Variants in PTPN18 observed in about 807,000 individuals in gnomAD.
PTPN18 encodes protein tyrosine phosphatase non-receptor type 18.
In PTPN18, 65 loss-of-function variants were observed where a neutral mutation model predicts 65.4. The observed-to-expected ratio is 0.99, with a 90% CI of 0.81 to 1.22. The LOEUF (loss-of-function observed/expected upper bound fraction) is 1.22, where lower values mean the gene tolerates loss of function less well. PTPN18 is among the 50% of genes most tolerant of loss of function. The probability of loss-of-function intolerance (pLI) is 0.00; values close to 1 mark genes in which losing one functional copy is unlikely to be tolerated. For synonymous variants in PTPN18, 255 were observed against 267.8 expected, an observed-to-expected ratio of 0.95 and a Z score of 0.47; for missense variants, 616 against 646.5, an observed-to-expected ratio of 0.95 and a Z score of 0.51.
rs531034019 is a variant in PTPN18 at position 130,362,256 on chromosome 2, C to A, written c.414+2610C>A. The A allele has an allele frequency of 9.2e-5, 41 of 445,920 alleles. No homozygotes were observed. The East Asian group carries it at 2.9e-3, about 31-fold the overall frequency. 27.6% of individuals were successfully genotyped at this position (445,920 alleles called of 1,614,324 possible). ...AAGTGCTAAGATTACAGGCATGAGC[C>A]ACTGCATCTAGCCAGGACTTACTTT... On this transcript the variant is annotated intron_variant, in intron 5 of 14. Coordinates refer to ENST00000175756, the MANE Select transcript of PTPN18 (RefSeq NM_014369.4).
chr2:130,360,076 G>C (rs914782364), intron 5 of PTPN18, among the ~76,000 whole-genome samples: 17 of 152,068 alleles, frequency 1.1e-4, no homozygotes, highest in African/African-American at 4.1e-4. Context: ...CCTCCTTCAG[G>C]TCTTTGCTCA....
chr2:130,367,714 T>G (rs1182645520), intron 5 of PTPN18, among the ~76,000 whole-genome samples: 1 of 152,166 alleles, frequency 6.6e-6, no homozygotes, highest in Non-Finnish European at 1.5e-5. Flanking sequence ...TTTCAGTAAT[T>G]TGATCATGAT....
chr2:130,370,117 C>A lies in PTPN18; in HGVS notation c.616C>A (p.His206Asn). 1.2e-6 allele frequency: 2 copies of A among 1,614,158 alleles called. No homozygotes were observed. The highest frequency in any genetic ancestry group is 1.7e-6 in the Non-Finnish European group (2 of 1,180,040). Residue 206 changes from histidine to asparagine, a missense_variant, in exon 8 of 15, where the codon CAC (histidine) becomes AAC (asparagine). This residue lies in a region of PTPN18 where 368 missense variants were observed against 386.7 expected (regional missense o/e 0.95). Coordinates refer to ENST00000175756, the MANE Select transcript of PTPN18 (RefSeq NM_014369.4). ...CCGTGGGGTCCCCAGCAGTCCTGAC[C>A]ACATGCTCGCCATGGTGGAGGAAGC... ...PDRGVPSSPD[H>N]MLAMVEEARR...
Position 130,370,582 on chromosome 2 carries a change from C to G in PTPN18, c.715C>G (p.Leu239Val). The G allele has an allele frequency of 6.2e-7, 1 of 1,614,134 alleles. No homozygotes were observed. The highest frequency in any genetic ancestry group is 8.5e-7 in the Non-Finnish European group (1 of 1,180,022). Reference protein sequence around the residue: ...CSAGCGRTGVLCTVDYVRQLL... With the variant: ...CSAGCGRTGVVCTVDYVRQLL... Reference sequence around the variant, plus strand: ...TGCGGGTTGTGGGCGAACAGGCGTCCTGTGCACCGTGGATTATGTGAGGCA... The same window carrying G: ...TGCGGGTTGTGGGCGAACAGGCGTCGTGTGCACCGTGGATTATGTGAGGCA... Residue 239 changes from leucine (L) to valine (V), a missense_variant, in exon 9 of 15, where the codon CTG (leucine) becomes GTG (valine). By Grantham distance (32) the Leu-to-Val change is conservative (BLOSUM62 1). Coordinates refer to ENST00000175756, the MANE Select transcript of PTPN18 (RefSeq NM_014369.4).
intron 11 of PTPN18, 113 bp downstream of exon 11, chr2:130,371,077 C>A: frequency 7.4e-7 from 1 of 1,357,836 alleles, no homozygotes; most frequent in South Asian, 1.3e-5. Flanking sequence ...ACTATGACAT[C>A]CACCTGTGCC....
chr2:130,369,084 G>A (rs1396519570), intron 5 of PTPN18, 49 bp from the exon 6 acceptor site: 1 of 1,518,364 alleles, frequency 6.6e-7, no homozygotes, highest in East Asian at 2.3e-5. Context: ...TAGCTCTGAA[G>A]CTGACTCCCT....
At chr2:130,365,646 C>G (rs760347976) in intron 5 of PTPN18, among the ~76,000 whole-genome samples, 5 of 152,166 alleles carry the variant, frequency 3.3e-5, no homozygotes, top group Admixed American at 6.6e-5. Flanking sequence ...ATTGTCTAAT[C>G]AGAGGTCATA....
At position 130,375,367 on chromosome 2, in the gene PTPN18, CTG is replaced by C. The variant is rs1680714922; in HGVS notation, c.*2147_*2148del. 1 of 152,390 alleles carries C rather than the reference CTG, an allele frequency of 6.6e-6. No homozygotes were observed. The highest frequency in any genetic ancestry group is 2.1e-4 in the South Asian group (1 of 4,830). 9.4% of individuals were successfully genotyped at this position (152,390 alleles called of 1,614,324 possible). ...GTGACTAAAGATACTGTTCTGGCTG[CTG>C]TGTTCACTGTGAGTAATAAACTGTC... On this transcript the variant is annotated 3_prime_UTR_variant, in exon 15 of 15. Coordinates refer to ENST00000175756, the MANE Select transcript of PTPN18 (RefSeq NM_014369.4).
intron 5 of PTPN18, among the ~76,000 whole-genome samples, chr2:130,367,950 TC>T (rs1338597208): frequency 6.6e-6 from 1 of 152,208 alleles, no homozygotes; most frequent in Non-Finnish European, 1.5e-5. Flanking sequence ...TTCATTTTTT[TC>T]ATTTCATTTT....
rs199922290 is a variant in PTPN18 at position 130,373,142 on chromosome 2, C to G, written c.1316-15C>G. The G allele has an allele frequency of 6.4e-7, 1 of 1,565,142 alleles. No homozygotes were observed. The highest frequency in any genetic ancestry group is 1.4e-5 in the African/African-American group (1 of 73,338). Reference sequence around the variant, plus strand: ...CAGCTTCTCCATGAGACCCACGGCACCCTTCTTCTCCCAGGTTTCAACCTG... The same window carrying G: ...CAGCTTCTCCATGAGACCCACGGCAGCCTTCTTCTCCCAGGTTTCAACCTG... On this transcript the variant is annotated splice_polypyrimidine_tract_variant and intron_variant, in intron 14 of 14. Coordinates refer to ENST00000175756, the MANE Select transcript of PTPN18 (RefSeq NM_014369.4). This position sits in a 1 kb window ranked among gnomAD's most constrained non-coding sequence, Gnocchi z 4.1.
chr2:130,367,492 G>C (rs1437305242), intron 5 of PTPN18, among the ~76,000 whole-genome samples: 1 of 151,968 alleles, frequency 6.6e-6, no homozygotes. Flanking sequence ...CGGCCAACCT[G>C]GTGAAACCCT....
rs1054999534 is a variant in PTPN18 at position 130,356,149 on chromosome 2, G to A, written c.42G>A (p.Arg14=). 2.3e-6 allele frequency: 3 copies of A among 1,313,750 alleles called. No homozygotes were observed. The highest frequency in any genetic ancestry group is 3.1e-5 in the East Asian group (1 of 32,012). 81.4% of individuals were successfully genotyped at this position (1,313,750 alleles called of 1,614,324 possible). ...SLDSARSFLE[R]LEARGGREGA... ...ACTCGGCGCGGAGCTTCCTGGAGCG[G>A]CTGGAAGCGCGGGGCGGCCGGGAGG... is the stretch of plus-strand genomic sequence containing the variant. Residue 14 remains arginine (R), a synonymous_variant, in exon 1 of 15, where the codon CGG becomes CGA. Coordinates refer to ENST00000175756, the MANE Select transcript of PTPN18 (RefSeq NM_014369.4).
chr2:130,358,761 G>T (rs909096860), intron 1 of PTPN18, 106 bp from the exon 2 acceptor site: 2 of 854,490 alleles, frequency 2.3e-6, no homozygotes, highest in Admixed American at 2.1e-5. Flanking sequence ...CACCTCCCCA[G>T]GCCACTGGCT....
At chr2:130,360,586 A>G (rs956488842) in intron 5 of PTPN18, among the ~76,000 whole-genome samples, 2 of 152,054 alleles carry the variant, frequency 1.3e-5, no homozygotes, top group Non-Finnish European at 2.9e-5. Context: ...TAAACAGTGT[A>G]TTAGAACACA....
chr2:130,363,826 ACT>A (rs1331692459), intron 5 of PTPN18, among the ~76,000 whole-genome samples: 1 of 151,816 alleles, frequency 6.6e-6, no homozygotes, highest in Non-Finnish European at 1.5e-5. Context: ...CTATATGGAA[ACT>A]CTATTTTTAA....
intron 6 of PTPN18, among the ~76,000 whole-genome samples, chr2:130,369,484 A>C (rs888210732): frequency 1.3e-5 from 2 of 152,234 alleles, no homozygotes; most frequent in Non-Finnish European, 2.9e-5. Flanking sequence ...TCATACATAC[A>C]GTTAGTACTT....
chr2:130,358,292 C>T (rs551383787), intron 1 of PTPN18, among the ~76,000 whole-genome samples: 12 of 152,304 alleles, frequency 7.9e-5, no homozygotes, highest in East Asian at 1.9e-4. Context: ...GAATACCTGA[C>T]GATGATGGTA....
chr2:130,372,851 G>A (rs201607849), intron 13 of PTPN18, 22 bp from the exon 14 acceptor site: 50 of 1,613,066 alleles, frequency 3.1e-5, no homozygotes, highest in Non-Finnish European at 3.9e-5. Context: ...GAGCTGACCC[G>A]TGGGGGGTCT....
rs1680120923 is a variant in PTPN18, at chr2:130,359,492, G to A, written c.375G>A (p.Lys125=). 2 of 1,614,126 alleles carry A rather than the reference G, an allele frequency of 1.2e-6. No individual in the cohort carries two copies. The highest frequency in any genetic ancestry group is 8.5e-7 in the Non-Finnish European group (1 of 1,180,010). The stretch of plus-strand genomic sequence containing the variant: ...GACTGGTCTGGGAGTTTGGGGTCAA[G>A]GTCAGCACTTGGGGGTGCGGCACAA... The part of the protein sequence containing the change: ...FWRLVWEFGV[K]VILMACREIE... The change falls in exon 4 of 15, where the codon AAG becomes AAA. Residue 125 remains lysine, a splice_region_variant and synonymous_variant. Coordinates refer to ENST00000175756, the MANE Select transcript of PTPN18 (RefSeq NM_014369.4).
Sources: gnomAD v4.1 joint callset for allele counts (sites outside exome capture counted in the v4.1 genomes callset) on GRCh38, gnomAD v4.1.1 for gene constraint, gnomAD v4.1.1 regional missense constraint, Gnocchi (gnomAD v3.1) non-coding constraint, MANE v1.5 for transcripts, NCBI Gene and HGNC (gene_info 2026-07-23, HGNC 2026-07-21) for gene names.